The following GLI2 variants were observed in gnomAD, a reference collection of about 807,000 sequenced individuals.
The protein encoded by GLI2 is GLI family zinc finger 2.
Under a neutral mutation model 78.9 loss-of-function variants are expected in GLI2, and 22 were observed. The observed-to-expected ratio is 0.28, with a 90% CI of 0.20 to 0.40. The LOEUF is 0.40. Among genes scored for constraint, GLI2 ranks in the 10% least tolerant of loss-of-function variants. The pLI is 1.00. For missense variants in GLI2, 2,097 were observed against 2,213.2 expected, an observed-to-expected ratio of 0.95 and a Z score of 1.05; for synonymous variants, 974 against 963.7, an observed-to-expected ratio of 1.01 and a Z score of -0.20.
At chr2:120,884,018 T>G (rs1456110287) in intron 2 of GLI2, among the ~76,000 whole-genome samples, 1 of 152,146 alleles carries the variant, frequency 6.6e-6, no homozygotes, top group African/African-American at 2.4e-5. Context: ...GCTCATACTT[T>G]TGCATAGCCA....
intron 1 of GLI2, among the ~76,000 whole-genome samples, chr2:120,774,183 T>G (rs996127551): frequency 6.6e-6 from 1 of 152,150 alleles, no homozygotes; most frequent in Non-Finnish European, 1.5e-5. Context: ...GGGCCTTCCA[T>G]TCACCAATAA....
intron 1 of GLI2, among the ~76,000 whole-genome samples, chr2:120,764,606 G>A (rs759818142): frequency 6.6e-6 from 1 of 152,194 alleles, no homozygotes; most frequent in Non-Finnish European, 1.5e-5. Flanking sequence ...AAGGGAACAG[G>A]GTTGCCCAGA....
chr2:120,890,214 G>C (rs1677611742), intron 2 of GLI2, among the ~76,000 whole-genome samples: 1 of 152,100 alleles, frequency 6.6e-6, no homozygotes, highest in Non-Finnish European at 1.5e-5. Flanking sequence ...ATCCCAAAAG[G>C]TTACCAACTA....
intron 2 of GLI2, among the ~76,000 whole-genome samples, chr2:120,867,873 A>G (rs1248116912): frequency 6.6e-6 from 1 of 151,982 alleles, no homozygotes; most frequent in Admixed American, 6.6e-5. Flanking sequence ...GGAGGGGAGG[A>G]GAGAGAGGGA....
intron 2 of GLI2, among the ~76,000 whole-genome samples, chr2:120,848,791 T>G (rs1174721026): frequency 2.0e-5 from 3 of 152,156 alleles, no homozygotes; most frequent in Non-Finnish European, 4.4e-5. Flanking sequence ...AGCTCACAGA[T>G]AGTCACTTTT....
chr2:120,865,717 C>T (rs1157336279), intron 2 of GLI2, among the ~76,000 whole-genome samples: 1 of 152,234 alleles, frequency 6.6e-6, no homozygotes, highest in African/African-American at 2.4e-5. Context: ...CCATCCCTGC[C>T]ATCCCAGGAA....
At chr2:120,918,624 A>G (rs1679214997) in intron 2 of GLI2, among the ~76,000 whole-genome samples, 1 of 152,080 alleles carries the variant, frequency 6.6e-6, no homozygotes, top group South Asian at 2.1e-4. Context: ...TATTTTTAGT[A>G]GAGATGGGGT....
Position 120,951,363 on chromosome 2 carries a change from C to A in GLI2, c.375C>A (p.His125Gln). ...CCCCCCACCCGTACGTGAACCCCCACATGGAGCACTACCTCCGTTCTGTGC... is the reference window on the plus strand; with the variant it reads ...CCCCCCACCCGTACGTGAACCCCCAAATGGAGCACTACCTCCGTTCTGTGC... The part of the protein sequence containing the change: ...FNAPHPYVNP[H>Q]MEHYLRSVHS... Residue 125 changes from histidine (H) to glutamine (Q), a missense_variant, in exon 4 of 14, where the codon CAC becomes CAA. By Grantham distance (24) the His-to-Gln change is conservative. Transcript: ENST00000361492. 1 of 1,608,614 alleles carries A rather than the reference C, an allele frequency of 6.2e-7. No homozygotes were observed. Among genetic ancestry groups the A allele is most frequent in the Non-Finnish European group, 8.5e-7 (1 of 1,175,026 alleles).
At chr2:120,907,141 T>G (rs1014358977) in intron 2 of GLI2, among the ~76,000 whole-genome samples, 4 of 152,130 alleles carry the variant, frequency 2.6e-5, no homozygotes, top group African/African-American at 9.7e-5. Context: ...ACCTGCTGCC[T>G]TGCCGCTGAT....
At chr2:120,881,719 G>A (rs1677149337) in intron 2 of GLI2, among the ~76,000 whole-genome samples, 1 of 99,422 alleles carries the variant, frequency 1.0e-5, no homozygotes, top group East Asian at 3.5e-4. Flanking sequence ...GGAGAGGGCA[G>A]GTGGGGGAGG....
At chr2:120,820,973 C>T (rs1454230548) in intron 2 of GLI2, among the ~76,000 whole-genome samples, 3 of 152,080 alleles carry the variant, frequency 2.0e-5, no homozygotes, top group African/African-American at 7.2e-5. Flanking sequence ...TGTGCCGACT[C>T]AGTAACTAGT....
At chr2:120,987,764 A>G (rs1285754275) in intron 13 of GLI2, among the ~76,000 whole-genome samples, 1 of 152,186 alleles carries the variant, frequency 6.6e-6, no homozygotes, top group Non-Finnish European at 1.5e-5. Flanking sequence ...GGAGAGGCAC[A>G]TTTATCTACA....
chr2:120,777,731 A>G (rs573387927), intron 1 of GLI2, among the ~76,000 whole-genome samples: 16 of 130,796 alleles, frequency 1.2e-4, no homozygotes, highest in Middle Eastern at 4.2e-3. Flanking sequence ...GTGTGGTCAG[A>G]GTGGGAGCAC....
At chr2:120,933,789 G>C (rs142782834) in intron 3 of GLI2, among the ~76,000 whole-genome samples, 1 of 152,054 alleles carries the variant, frequency 6.6e-6, no homozygotes, top group Non-Finnish European at 1.5e-5. Flanking sequence ...TCCTGGTTCG[G>C]GGGGCTGGGG....
rs115066527 is a variant in GLI2 at position 120,773,181 on chromosome 2, C to T, written c.-30-24110C>T. On this transcript the variant is annotated intron_variant, in intron 1 of 13. Transcript: ENST00000361492. ...GTGGAGTAGACTGCTCGAAGTGTAA[C>T]AAGTGGGTCAGAGTGAGAACTTTGT... Among the ~76,000 whole-genome samples the T allele has an allele frequency of 2.9e-3, 440 of 152,204 alleles. 1 individual carries two copies. Among genetic ancestry groups the T allele is most frequent in the African/African-American group, 1.0e-2 (414 of 41,510 alleles).
chr2:120,766,275 C>T (rs1216513355), intron 1 of GLI2, among the ~76,000 whole-genome samples: 2 of 152,246 alleles, frequency 1.3e-5, no homozygotes, highest in Non-Finnish European at 2.9e-5. Context: ...CGCGTCACTT[C>T]CTGCCACCCA....
At chr2:120,919,879 C>A (rs1021861117) in intron 2 of GLI2, among the ~76,000 whole-genome samples, 1 of 152,176 alleles carries the variant, frequency 6.6e-6, no homozygotes, top group African/African-American at 2.4e-5. Flanking sequence ...GGATCCAGGC[C>A]CCAGCCATGC....
Position 120,988,359 on chromosome 2 carries a change from G to C in GLI2, c.2394G>C (p.Ser798=), listed in dbSNP as rs774426934. The C allele has an allele frequency of 6.4e-7, 1 of 1,571,908 alleles. No individual in the cohort carries two copies. Among genetic ancestry groups the C allele is most frequent in the Non-Finnish European group, 8.6e-7 (1 of 1,167,844 alleles). Residue 798 remains serine (S), a synonymous_variant, in exon 14 of 14, where the codon TCG becomes TCC. Coordinates refer to ENST00000361492, the MANE Select transcript of GLI2 (RefSeq NM_001374353.1). ...RRDSSTSTVS[S]AYTVSRRSSG... The stretch of plus-strand genomic sequence containing the variant: ...ACAGCTCCACCAGCACGGTCAGCTC[G>C]GCCTACACCGTGAGCCGCCGCTCCT...
intron 4 of GLI2, 146 bp from the exon 5 acceptor site, chr2:120,955,099 G>A: frequency 3.0e-6 from 2 of 673,758 alleles, no homozygotes; most frequent in East Asian, 5.4e-5. Context: ...GTGGGGCAGT[G>A]GGGGAAAATG....
Sources: allele counts gnomAD v4.1 joint callset (sites outside exome capture counted in the v4.1 genomes callset), GRCh38; gene constraint gnomAD v4.1.1; transcripts MANE v1.5; gene names NCBI Gene and HGNC (gene_info 2026-07-23, HGNC 2026-07-21).